The following CBLB variants were observed in gnomAD, a reference collection of about 807,000 sequenced individuals.
CBLB encodes the protein E3 ubiquitin-protein ligase CBL-B.
CBLB carries 31 observed loss-of-function variants against 104.9 expected under a neutral mutation model. That is an observed-to-expected ratio of 0.30 (90% CI 0.22 to 0.40). The LOEUF (loss-of-function observed/expected upper bound fraction) is 0.40. Among genes scored for constraint, CBLB ranks in the 10% least tolerant of loss-of-function variants. The pLI is 1.00. For synonymous variants in CBLB, 440 were observed against 422.6 expected (o/e 1.04, Z -0.51); for missense variants, 1,062 against 1,214.6 (o/e 0.87, Z 1.87).
At chr3:105,702,483 A>AAC (rs2069335464) in intron 11 of CBLB, 24 bp from the exon 12 acceptor site, 1 of 1,463,462 alleles carries the variant, frequency 6.8e-7, no homozygotes, top group Non-Finnish European at 9.1e-7. Flanking sequence ...AGAGAAAAAA[A>AAC]AAAAAAAAAA....
At chr3:105,682,383 C>CA (rs1171014607) in intron 14 of CBLB, among the ~76,000 whole-genome samples, 2 of 152,150 alleles carry the variant, frequency 1.3e-5, no homozygotes. Flanking sequence ...CTGCCAAGAA[C>CA]AAAATTCTGG....
intron 4 of CBLB, among the ~76,000 whole-genome samples, chr3:105,763,826 G>A (rs2077931104): frequency 6.6e-6 from 1 of 152,200 alleles, no homozygotes; most frequent in South Asian, 2.1e-4. Flanking sequence ...AAGATACTGG[G>A]TTTCTGTCAA....
chr3:105,739,611 A>T (rs563170652), intron 7 of CBLB, among the ~76,000 whole-genome samples: 1 of 152,334 alleles, frequency 6.6e-6, no homozygotes, highest in South Asian at 2.1e-4. Context: ...TCTAAAAAAC[A>T]AAGGGAAACT....
intron 3 of CBLB, among the ~76,000 whole-genome samples, chr3:105,844,866 G>A (rs2090032313): frequency 6.6e-6 from 1 of 152,106 alleles, no homozygotes; most frequent in Non-Finnish European, 1.5e-5. Flanking sequence ...TAGCTTGTCT[G>A]TTTTATAAAC....
Position 105,702,303 on chromosome 3 carries a change from T to C in CBLB, c.1750A>G (p.Arg584Gly). 6.2e-7 allele frequency: 1 copy of C among 1,613,938 alleles called. No homozygotes were observed. The highest frequency in any genetic ancestry group is 1.1e-5 in the South Asian group (1 of 91,068). Residue 584 changes from arginine to glycine, a missense_variant, in exon 12 of 19, where the codon AGA (arginine) becomes GGA (glycine). Around this residue, in one of 2 missense-constraint regions of CBLB, gnomAD observed 605 missense variants for 582.6 expected, o/e 1.04. Coordinates refer to ENST00000394030, the MANE Select transcript of CBLB (RefSeq NM_170662.5). ...GCTTCAAGAGGCATTGGCGGGTCTC[T>C]GGAAGGCACGCTTTCCACATGATGG... ...HIHHVESVPS[R>G]DPPMPLEAWC...
At chr3:105,742,081 T>C (rs1256772766) in intron 6 of CBLB, among the ~76,000 whole-genome samples, 2 of 152,250 alleles carry the variant, frequency 1.3e-5, no homozygotes, top group Non-Finnish European at 2.9e-5. Flanking sequence ...ACTTATTTCA[T>C]TTTAGATCAT....
At chr3:105,829,523 G>A (rs1275568202) in intron 3 of CBLB, among the ~76,000 whole-genome samples, 1 of 151,862 alleles carries the variant, frequency 6.6e-6, no homozygotes, top group Non-Finnish European at 1.5e-5. Flanking sequence ...GCCAGGCATA[G>A]TGGCATGTAC....
At chr3:105,772,180 T>G (rs1208291585) in intron 4 of CBLB, among the ~76,000 whole-genome samples, 1 of 152,090 alleles carries the variant, frequency 6.6e-6, no homozygotes, top group South Asian at 2.1e-4. Context: ...GACAGGCACA[T>G]AGACCAATGG....
chr3:105,662,485 G>A (rs969022630), intron 18 of CBLB, among the ~76,000 whole-genome samples: 1 of 152,116 alleles, frequency 6.6e-6, no homozygotes, highest in African/African-American at 2.4e-5. Flanking sequence ...CATGTTCATG[G>A]TATTTTTGAA....
At chr3:105,693,045 G>A (rs906912094) in intron 13 of CBLB, among the ~76,000 whole-genome samples, 4 of 151,530 alleles carry the variant, frequency 2.6e-5, no homozygotes, top group African/African-American at 9.7e-5. Flanking sequence ...GAAGATTAGA[G>A]GAATATGAAA....
intron 3 of CBLB, among the ~76,000 whole-genome samples, chr3:105,837,408 A>G (rs372923215): frequency 1.1e-4 from 16 of 152,366 alleles, no homozygotes; most frequent in African/African-American, 3.6e-4. Flanking sequence ...CACAGAAACA[A>G]AAACAGTCTT....
chr3:105,863,132 A>G (rs1361116326), intron 2 of CBLB, among the ~76,000 whole-genome samples: 1 of 152,250 alleles, frequency 6.6e-6, no homozygotes, highest in African/African-American at 2.4e-5. Flanking sequence ...TTAAAAGACT[A>G]CTAACTGATT....
chr3:105,818,932 C>G (rs902410265), intron 3 of CBLB, among the ~76,000 whole-genome samples: 4 of 152,042 alleles, frequency 2.6e-5, no homozygotes, highest in African/African-American at 9.7e-5. Context: ...GGAAGCAAAA[C>G]TATAGTGAAA....
chr3:105,751,932 CAT>C (rs1184371881), intron 4 of CBLB, among the ~76,000 whole-genome samples: 9 of 152,284 alleles, frequency 5.9e-5, no homozygotes, highest in African/African-American at 2.2e-4. Context: ...ATGACCTCTT[CAT>C]GTGTGTATAC....
intron 4 of CBLB, among the ~76,000 whole-genome samples, chr3:105,758,740 C>T (rs543259078): frequency 3.5e-4 from 54 of 152,354 alleles, no homozygotes; most frequent in Admixed American, 1.3e-3. Flanking sequence ...CTGGGCAAGC[C>T]AGTGGCTGGA....
intron 3 of CBLB, among the ~76,000 whole-genome samples, chr3:105,812,610 C>T (rs1347814690): frequency 6.6e-6 from 1 of 152,024 alleles, no homozygotes; most frequent in Non-Finnish European, 1.5e-5. Context: ...AGAGCAATTG[C>T]AAAGGGACTG....
chr3:105,671,527 T>A (rs1000361563), intron 17 of CBLB: 1 of 213,846 alleles, frequency 4.7e-6, no homozygotes, highest in African/African-American at 2.3e-5. Flanking sequence ...GAAACCTGAA[T>A]TGCTAATGTA....
At chr3:105,676,247 G>A (rs969478349) in intron 17 of CBLB, among the ~76,000 whole-genome samples, 2 of 151,830 alleles carry the variant, frequency 1.3e-5, no homozygotes, top group Non-Finnish European at 2.9e-5. Context: ...CTAATAAGAG[G>A]GGACATTTTC....
At chr3:105,792,858 G>C (rs543048204) in intron 3 of CBLB, among the ~76,000 whole-genome samples, 2 of 151,852 alleles carry the variant, frequency 1.3e-5, no homozygotes, top group African/African-American at 4.9e-5. Flanking sequence ...TCCATCTGCG[G>C]TGTCTAGTTC....
Sources: allele counts gnomAD v4.1 joint callset (sites outside exome capture counted in the v4.1 genomes callset), GRCh38; gene constraint gnomAD v4.1.1; regional missense constraint gnomAD v4.1.1; transcripts MANE v1.5; gene names NCBI Gene and HGNC (gene_info 2026-07-23, HGNC 2026-07-21).